RBFOX1: variants seen among roughly 807,000 people sequenced by gnomAD.
RBFOX1 encodes RNA binding protein fox-1 homolog 1.
In RBFOX1, 8 loss-of-function variants were observed where a neutral mutation model predicts 57.7. That is an observed-to-expected ratio of 0.14 (90% CI 0.08 to 0.25). The LOEUF (loss-of-function observed/expected upper bound fraction) is 0.25. RBFOX1 is among the 10% of genes least tolerant of loss of function. The pLI is 1.00. For synonymous variants in RBFOX1, 326 were observed against 222.4 expected (o/e 1.47, Z -4.15); for missense variants, 611 against 548.5 (o/e 1.11, Z -1.14).
At chr16:6,788,133 A>C (rs2082275740) in intron 3 of RBFOX1, among the ~76,000 whole-genome samples, 1 of 152,144 alleles carries the variant, frequency 6.6e-6, no homozygotes, top group East Asian at 1.9e-4. Flanking sequence ...GAGGCAGGAG[A>C]ACCGCTTGAA....
intron 1 of RBFOX1, among the ~76,000 whole-genome samples, chr16:6,170,836 C>T (rs186693154): frequency 1.3e-5 from 2 of 152,064 alleles, no homozygotes; most frequent in East Asian, 1.9e-4. Context: ...TGAGAACATG[C>T]GGTATTTGGT....
intron 3 of RBFOX1, among the ~76,000 whole-genome samples, chr16:7,035,487 T>C (rs1169095133): frequency 6.6e-6 from 1 of 152,248 alleles, no homozygotes; most frequent in Non-Finnish European, 1.5e-5. Flanking sequence ...CTGGGATTAT[T>C]TCAGAGCGCA....
intron 2 of RBFOX1, among the ~76,000 whole-genome samples, chr16:6,422,897 G>T (rs1431525511): frequency 6.6e-6 from 1 of 152,148 alleles, no homozygotes; most frequent in East Asian, 1.9e-4. Flanking sequence ...CTACTTACAG[G>T]TGAGAATATG....
chr16:6,100,919 C>G (rs2096298932), intron 1 of RBFOX1, among the ~76,000 whole-genome samples: 1 of 152,080 alleles, frequency 6.6e-6, no homozygotes, highest in Non-Finnish European at 1.5e-5. Context: ...AGAGGGATGA[C>G]TGTGTGGCCA....
intron 2 of RBFOX1, among the ~76,000 whole-genome samples, chr16:6,524,285 G>T (rs1358438617): frequency 1.3e-5 from 2 of 152,112 alleles, no homozygotes. Context: ...TTAACACAAT[G>T]ATCTCCAGTT....
intron 1 of RBFOX1, among the ~76,000 whole-genome samples, chr16:6,051,100 G>A (rs1049468175): frequency 1.3e-5 from 2 of 150,520 alleles, no homozygotes; most frequent in African/African-American, 4.9e-5. Flanking sequence ...AAAAGTAATT[G>A]CAGTTTTTTC....
At chr16:7,693,053 A>T (rs2077722498) in intron 14 of RBFOX1, among the ~76,000 whole-genome samples, 1 of 152,176 alleles carries the variant, frequency 6.6e-6, no homozygotes, top group South Asian at 2.1e-4. Context: ...ATATCCTGGC[A>T]TGTTTTGGTA....
chr16:7,098,890 A>C (rs11641057), intron 4 of RBFOX1, among the ~76,000 whole-genome samples: 24,715 of 152,078 alleles, frequency 0.16, 2,314 homozygotes, highest in East Asian at 0.39. Flanking sequence ...AGTAACCCTC[A>C]GTTTCTTCAT....
chr16:7,038,121 A>G (rs1022609446), intron 3 of RBFOX1, among the ~76,000 whole-genome samples: 4 of 152,004 alleles, frequency 2.6e-5, no homozygotes, highest in Non-Finnish European at 4.4e-5. Context: ...GGATGTAGAG[A>G]GGGGGATGAT....
chr16:7,566,483 C>T (rs947841745), intron 5 of RBFOX1, among the ~76,000 whole-genome samples: 7 of 152,138 alleles, frequency 4.6e-5, no homozygotes, highest in East Asian at 1.9e-4. Context: ...GTTTAGGATA[C>T]GGAATTAGAT....
chr16:5,259,656 CT>C (rs1241894593), intron 1 of RBFOX1, among the ~76,000 whole-genome samples: 1 of 152,158 alleles, frequency 6.6e-6, no homozygotes, highest in African/African-American at 2.4e-5. Flanking sequence ...TAAGAAGAAT[CT>C]TTTTGCCCTT....
rs202091716 is a variant in RBFOX1, at chr16:6,738,030, G to T, written c.-16+83380G>T. 4.3e-5 allele frequency among the ~76,000 whole-genome samples: 6 copies of T among 138,570 alleles called. No individual in the cohort carries two copies. In the East Asian group the frequency reaches 1.3e-3, roughly 29 times the overall value. The allele number at this position is 138,570 out of a possible 152,430, so 90.9% of individuals were successfully genotyped here. ...GGAATAATAATGTGTGTCTGCAACA[G>T]AAAACAAAAACACAAAGGACTTGTC... On this transcript the variant is annotated intron_variant, in intron 3 of 15. Coordinates refer to ENST00000550418, the MANE Select transcript of RBFOX1 (RefSeq NM_018723.4).
At chr16:7,309,934 A>C (rs1303681576) in intron 4 of RBFOX1, among the ~76,000 whole-genome samples, 1 of 152,208 alleles carries the variant, frequency 6.6e-6, no homozygotes, top group Non-Finnish European at 1.5e-5. Context: ...TGTTTAATTC[A>C]GTTAAGAAAA....
chr16:6,310,131 C>A (rs2080066125), intron 1 of RBFOX1, among the ~76,000 whole-genome samples: 3 of 152,168 alleles, frequency 2.0e-5, no homozygotes. Context: ...CGTGATCCGC[C>A]CACCTCGGCC....
chr16:5,598,020 G>C (rs1460176184), intron 2 of RBFOX1, among the ~76,000 whole-genome samples: 1 of 152,130 alleles, frequency 6.6e-6, no homozygotes, highest in Non-Finnish European at 1.5e-5. Context: ...ACAGTGGCTG[G>C]GTGTGGTGGC....
At chr16:7,290,127 A>G (rs796978082) in intron 4 of RBFOX1, among the ~76,000 whole-genome samples, 24 of 152,366 alleles carry the variant, frequency 1.6e-4, no homozygotes, top group African/African-American at 5.8e-4. Context: ...TAAATGTTAC[A>G]GAAAATTCCA....
intron 2 of RBFOX1, among the ~76,000 whole-genome samples, chr16:6,586,252 C>T (rs980229084): frequency 6.6e-6 from 1 of 152,172 alleles, no homozygotes; most frequent in Admixed American, 6.6e-5. Context: ...TGAAAACCAA[C>T]AATTTCTTTG....
intron 1 of RBFOX1, among the ~76,000 whole-genome samples, chr16:5,368,727 G>C (rs2065787373): frequency 6.6e-6 from 1 of 152,124 alleles, no homozygotes; most frequent in African/African-American, 2.4e-5. Context: ...TAGTGACATG[G>C]TTTCATAGTG....
intron 4 of RBFOX1, among the ~76,000 whole-genome samples, chr16:7,420,725 A>G (rs1314805971): frequency 3.3e-5 from 5 of 151,404 alleles, no homozygotes; most frequent in East Asian, 1.9e-4. Context: ...GTACAAATGT[A>G]TGACTTCAAT....
Sources: gnomAD v4.1 joint callset for allele counts (sites outside exome capture counted in the v4.1 genomes callset) on GRCh38, gnomAD v4.1.1 for gene constraint, MANE v1.5 for transcripts, NCBI Gene and HGNC (gene_info 2026-07-23, HGNC 2026-07-21) for gene names.